The following EYA1 variants were observed in gnomAD, a reference collection of about 807,000 sequenced individuals.
The protein encoded by EYA1 is EYA transcriptional coactivator and phosphatase 1, also known as protein phosphatase EYA1.
Under a neutral mutation model 82.0 loss-of-function variants are expected in EYA1, and 16 were observed. The ratio of observed to expected loss-of-function variants is 0.20; its 90% CI spans 0.13 to 0.30. The LOEUF is 0.30. Among genes scored for constraint, EYA1 ranks in the 10% least tolerant of loss-of-function variants. The pLI, the probability that EYA1 is intolerant of heterozygous loss-of-function variation, is 1.00. For missense variants in EYA1, 633 were observed against 730.7 expected, an observed-to-expected ratio of 0.87 and a Z score of 1.54; for synonymous variants, 261 against 264.4, an observed-to-expected ratio of 0.99 and a Z score of 0.12.
chr8:71,271,227 A>C (rs1816493239), intron 10 of EYA1, among the ~76,000 whole-genome samples: 1 of 152,254 alleles, frequency 6.6e-6, no homozygotes, highest in South Asian at 2.1e-4. Flanking sequence ...ATGCGAAATA[A>C]GCACATCATG....
Position 71,379,168 on chromosome 8 carries a change from G to A in EYA1, c.34-22657C>T, listed in dbSNP as rs4738132. Among the ~76,000 whole-genome samples the A allele has an allele frequency of 6.1e-3, 924 of 152,106 alleles. 22 individuals are homozygous for A. The highest frequency in any genetic ancestry group is 0.038 in the Admixed American group (574 of 15,284). On this transcript the variant is annotated intron_variant, in intron 2 of 18. Coordinates refer to the EYA1 transcript ENST00000643681. ...TGAGGAGGCCACAAATGGATCACTC[G>A]AGCCTCGAGGCTACCGTGCAGACCA...
intron 11 of EYA1, among the ~76,000 whole-genome samples, chr8:71,259,146 T>C (rs1455463927): frequency 6.6e-6 from 1 of 152,136 alleles, no homozygotes; most frequent in Non-Finnish European, 1.5e-5. Flanking sequence ...AACAACAAAA[T>C]ACCTTTTTTA....
intron 12 of EYA1, among the ~76,000 whole-genome samples, chr8:71,229,295 C>A (rs1395327063): frequency 1.3e-5 from 2 of 152,048 alleles, no homozygotes; most frequent in Non-Finnish European, 2.9e-5. Context: ...TCTCTGCAAC[C>A]CACAGTCTCA....
intron 2 of EYA1, among the ~76,000 whole-genome samples, chr8:71,433,943 C>T (rs937744526): frequency 6.6e-6 from 1 of 152,214 alleles, no homozygotes; most frequent in African/African-American, 2.4e-5. Context: ...TAAGAGGCTA[C>T]TTCAGTAGCT....
At chr8:71,302,152 C>T (rs1437739441) in intron 7 of EYA1, among the ~76,000 whole-genome samples, 1 of 151,988 alleles carries the variant, frequency 6.6e-6, no homozygotes, top group Non-Finnish European at 1.5e-5. Flanking sequence ...GGGTTATGAT[C>T]CGTTACTTTC....
chr8:71,456,078 T>C (rs1807874488), intron 2 of EYA1, among the ~76,000 whole-genome samples: 1 of 151,976 alleles, frequency 6.6e-6, no homozygotes. Flanking sequence ...ACAAAATCAA[T>C]GTGCAAAAAT....
chr8:71,394,397 T>C (rs1462513772), intron 2 of EYA1, among the ~76,000 whole-genome samples: 2 of 152,186 alleles, frequency 1.3e-5, no homozygotes, highest in East Asian at 3.8e-4. Flanking sequence ...ATTGCCTCGG[T>C]TTTCTTCTAG....
At chr8:71,363,486 A>C (rs1011425426), upstream of EYA1, among the ~76,000 whole-genome samples, 6 of 152,184 alleles carry the variant, frequency 3.9e-5, no homozygotes, top group Non-Finnish European at 8.8e-5. Context: ...TAGTACCAGC[A>C]AGGAATCATG....
intron 11 of EYA1, among the ~76,000 whole-genome samples, chr8:71,252,882 T>C (rs1166756165): frequency 1.3e-5 from 2 of 152,164 alleles, no homozygotes; most frequent in East Asian, 3.9e-4. Context: ...CAGTGACAAT[T>C]TGTGAACATA....
At chr8:71,490,842 G>A (rs1217093275) in intron 2 of EYA1, among the ~76,000 whole-genome samples, 3 of 152,186 alleles carry the variant, frequency 2.0e-5, no homozygotes, top group Non-Finnish European at 4.4e-5. Context: ...ATTTTTCATT[G>A]AGGAACTGAT....
At chr8:71,296,097 C>G (rs1819569454) in intron 9 of EYA1, among the ~76,000 whole-genome samples, 1 of 152,052 alleles carries the variant, frequency 6.6e-6, no homozygotes, top group Non-Finnish European at 1.5e-5. Flanking sequence ...AAAGAGCTAA[C>G]AAATTCATTT....
At chr8:71,333,986 C>A (rs1414422728) in intron 4 of EYA1, 111 bp downstream of exon 4, 5 of 772,828 alleles carry the variant, frequency 6.5e-6, no homozygotes, top group Non-Finnish European at 9.3e-6. Context: ...TACGTATATA[C>A]CCACATATAT....
At chr8:71,508,695 C>A (rs969788314) in intron 2 of EYA1, among the ~76,000 whole-genome samples, 4 of 152,050 alleles carry the variant, frequency 2.6e-5, no homozygotes, top group African/African-American at 9.7e-5. Flanking sequence ...ATAATGAGTT[C>A]TCATTAGACA....
chr8:71,448,305 G>A (rs1807064380), intron 2 of EYA1, among the ~76,000 whole-genome samples: 1 of 152,084 alleles, frequency 6.6e-6, no homozygotes, highest in African/African-American at 2.4e-5. Context: ...AATGTTCATG[G>A]CATCTTCAAT....
chr8:71,419,685 A>T (rs982517183), intron 2 of EYA1, among the ~76,000 whole-genome samples: 3 of 152,142 alleles, frequency 2.0e-5, no homozygotes, highest in African/African-American at 7.2e-5. Flanking sequence ...AAAGTTTTTT[A>T]AATTAGCATT....
At chr8:71,300,633 A>T (rs1234645013) in intron 7 of EYA1, among the ~76,000 whole-genome samples, 1 of 151,854 alleles carries the variant, frequency 6.6e-6, no homozygotes, top group Non-Finnish European at 1.5e-5. Flanking sequence ...ATTTACTCTA[A>T]GAAAAAAAAT....
At chr8:71,417,374 T>C (rs570560548) in intron 2 of EYA1, among the ~76,000 whole-genome samples, 1 of 152,336 alleles carries the variant, frequency 6.6e-6, no homozygotes, top group South Asian at 2.1e-4. Flanking sequence ...TTGTAGATAT[T>C]TCTGATTGTA....
intron 2 of EYA1, among the ~76,000 whole-genome samples, chr8:71,521,055 G>A (rs1320373055): frequency 6.6e-6 from 1 of 151,188 alleles, no homozygotes; most frequent in Admixed American, 6.6e-5. Flanking sequence ...CTACACTTGG[G>A]TCACCTCTTT....
intron 3 of EYA1, among the ~76,000 whole-genome samples, chr8:71,352,204 G>A (rs1377493574): frequency 3.9e-5 from 6 of 152,012 alleles, no homozygotes; most frequent in South Asian, 2.1e-4. Context: ...ATGACTACAC[G>A]CCAGAGAAGT....
Sources: gnomAD v4.1 joint callset for allele counts (sites outside exome capture counted in the v4.1 genomes callset) on GRCh38, gnomAD v4.1.1 for gene constraint, MANE v1.5 for transcripts, NCBI Gene and HGNC (gene_info 2026-07-23, HGNC 2026-07-21) for gene names.